Variants in BIRC6 observed in about 807,000 individuals in gnomAD.
BIRC6 encodes baculoviral IAP repeat containing 6.
BIRC6 carries 98 observed loss-of-function variants against 503.3 expected under a neutral mutation model. The ratio of observed to expected loss-of-function variants is 0.19; its 90% CI spans 0.17 to 0.23. BIRC6 has a LOEUF of 0.23. Among genes scored for constraint, BIRC6 ranks in the 10% least tolerant of loss-of-function variants. The pLI is 1.00. For synonymous variants in BIRC6, 2,240 were observed against 2,078.7 expected, an observed-to-expected ratio of 1.08 and a Z score of -2.11; for missense variants, 5,360 against 5,806.0, an observed-to-expected ratio of 0.92 and a Z score of 2.50.
intron 66 of BIRC6, among the ~76,000 whole-genome samples, chr2:32,577,658 C>T (rs1387206722): frequency 2.0e-5 from 3 of 152,104 alleles, no homozygotes; most frequent in African/African-American, 7.2e-5. Context: ...CCTCTTTGGT[C>T]TATTTGCTTT....
intron 4 of BIRC6, among the ~76,000 whole-genome samples, chr2:32,389,658 C>T (rs547477647): frequency 6.6e-6 from 1 of 152,246 alleles, no homozygotes; most frequent in East Asian, 1.9e-4. Flanking sequence ...TAATACGCAG[C>T]AATTTTGATT....
At chr2:32,594,313 C>T (rs747103285) in intron 67 of BIRC6, 12 of 312,620 alleles carry the variant, frequency 3.8e-5, no homozygotes, top group Non-Finnish European at 5.2e-5. Context: ...AATATTTCTT[C>T]CCCCTGAAAT....
intron 66 of BIRC6, among the ~76,000 whole-genome samples, chr2:32,576,741 T>C (rs1463946662): frequency 5.3e-5 from 8 of 152,166 alleles, no homozygotes; most frequent in Admixed American, 2.6e-4. Flanking sequence ...TGTGTTGTCA[T>C]TATCACTTTA....
At chr2:32,504,196 G>A (rs1158199934) in intron 49 of BIRC6, among the ~76,000 whole-genome samples, 1 of 151,996 alleles carries the variant, frequency 6.6e-6, no homozygotes, top group African/African-American at 2.4e-5. Context: ...ACTGTGCCTG[G>A]CCTTAAAGTA....
intron 9 of BIRC6, among the ~76,000 whole-genome samples, chr2:32,410,701 C>T (rs1307051666): frequency 6.6e-6 from 1 of 150,950 alleles, no homozygotes; most frequent in Non-Finnish European, 1.5e-5. Context: ...ACTTGGGCAA[C>T]TTCTTTTTTT....
intron 26 of BIRC6, 75 bp downstream of exon 26, chr2:32,465,239 C>A: frequency 1.8e-4 from 72 of 393,140 alleles, no homozygotes; most frequent in Middle Eastern, 5.2e-4. Context: ...ACTCATTATT[C>A]TTCAGTTCGA....
At chr2:32,387,434 G>A (rs1435106607) in intron 3 of BIRC6, among the ~76,000 whole-genome samples, 3 of 151,872 alleles carry the variant, frequency 2.0e-5, no homozygotes, top group African/African-American at 4.8e-5. Context: ...ATTCATGGGT[G>A]AACTGGGGAC....
intron 62 of BIRC6, among the ~76,000 whole-genome samples, chr2:32,545,383 C>T (rs1201301925): frequency 1.3e-5 from 2 of 152,142 alleles, no homozygotes; most frequent in Non-Finnish European, 2.9e-5. Context: ...ATAATTTTGA[C>T]ATAATCTATA....
chr2:32,399,255 T>C (rs1053781994), intron 6 of BIRC6, among the ~76,000 whole-genome samples: 2 of 152,052 alleles, frequency 1.3e-5, no homozygotes, highest in African/African-American at 2.4e-5. Context: ...CTAGCTAATA[T>C]ATGTATTTTT....
intron 70 of BIRC6, among the ~76,000 whole-genome samples, chr2:32,601,194 A>G (rs975589937): frequency 2.6e-5 from 4 of 152,244 alleles, no homozygotes; most frequent in African/African-American, 7.2e-5. Flanking sequence ...TAAATTATTA[A>G]TCAACTACCT....
At chr2:32,553,493 T>C (rs1465393682) in intron 65 of BIRC6, among the ~76,000 whole-genome samples, 1 of 151,918 alleles carries the variant, frequency 6.6e-6, no homozygotes, top group East Asian at 1.9e-4. Context: ...GTTCAAGCAG[T>C]TCTCATGCCT....
chr2:32,555,156 A>G (rs1405130402), intron 65 of BIRC6, among the ~76,000 whole-genome samples: 4 of 152,190 alleles, frequency 2.6e-5, no homozygotes, highest in Non-Finnish European at 5.9e-5. Context: ...CCTTATTTAT[A>G]GTTTTCATGG....
At chr2:32,615,836 T>C (rs969964430) in intron 73 of BIRC6, among the ~76,000 whole-genome samples, 1 of 152,088 alleles carries the variant, frequency 6.6e-6, no homozygotes, top group African/African-American at 2.4e-5. Context: ...GGTTTCACCA[T>C]GTTGGCCAGG....
intron 57 of BIRC6, among the ~76,000 whole-genome samples, chr2:32,524,385 T>C (rs1254041806): frequency 6.6e-6 from 1 of 152,246 alleles, no homozygotes. Context: ...TTTTATACTT[T>C]CATTTGTAAT....
At chr2:32,365,359 G>T (rs980412448) in intron 1 of BIRC6, among the ~76,000 whole-genome samples, 1 of 144,636 alleles carries the variant, frequency 6.9e-6, no homozygotes, top group East Asian at 2.0e-4. Flanking sequence ...TCGCCCTGTC[G>T]CCCAGGCTGG....
At chr2:32,602,891 A>T in intron 70 of BIRC6, 115 bp from the exon 71 acceptor site, 1 of 747,502 alleles carries the variant, frequency 1.3e-6, no homozygotes, top group Non-Finnish European at 2.1e-6. Flanking sequence ...TATCTAGGGG[A>T]CATATAAAAC....
intron 6 of BIRC6, among the ~76,000 whole-genome samples, chr2:32,397,675 CACACACACATATATATGT>C (rs2040105276): frequency 1.7e-5 from 2 of 121,090 alleles, no homozygotes; most frequent in South Asian, 3.1e-4. Context: ...TATATATATA[CACACACACATATATATGT>C]ACACACACAC....
intron 73 of BIRC6, among the ~76,000 whole-genome samples, chr2:32,612,555 G>A (rs2062951128): frequency 6.6e-6 from 1 of 152,142 alleles, no homozygotes; most frequent in South Asian, 2.1e-4. Context: ...TTGATGATAA[G>A]GATTTGTTAG....
At chr2:32,604,975 C>T (rs933346166) in intron 71 of BIRC6, among the ~76,000 whole-genome samples, 4 of 150,992 alleles carry the variant, frequency 2.6e-5, no homozygotes, top group Admixed American at 6.6e-5. Context: ...CTCTGCGTCT[C>T]GGGTTCAAGC....
Sources: allele counts gnomAD v4.1 joint callset (sites outside exome capture counted in the v4.1 genomes callset), GRCh38; gene constraint gnomAD v4.1.1; transcripts MANE v1.5; gene names NCBI Gene and HGNC (gene_info 2026-07-23, HGNC 2026-07-21).